Variants in RPH3A observed in about 807,000 individuals in gnomAD.
RPH3A encodes the protein rabphilin-3A.
A neutral mutation model predicts 102.2 loss-of-function variants in RPH3A; 48 were observed. That is an observed-to-expected ratio of 0.47 (90% confidence interval 0.37 to 0.60). The LOEUF (loss-of-function observed/expected upper bound fraction) is 0.60, where lower values mean the gene tolerates loss of function less well. RPH3A is among the 20% of genes least tolerant of loss of function. RPH3A has a pLI of 0.00. For missense variants in RPH3A, 781 were observed against 910.1 expected, an observed-to-expected ratio of 0.86 and a Z score of 1.83; for synonymous variants, 310 against 324.3, an observed-to-expected ratio of 0.96 and a Z score of 0.47.
At chr12:112,844,844 C>T (rs997680920) in intron 4 of RPH3A, among the ~76,000 whole-genome samples, 6 of 152,240 alleles carry the variant, frequency 3.9e-5, no homozygotes, top group African/African-American at 1.4e-4. Context: ...GCAGCCCTGA[C>T]ACAAGGTCAC....
chr12:112,669,931 T>G (rs1379077941), intron 1 of RPH3A, among the ~76,000 whole-genome samples: 1 of 152,246 alleles, frequency 6.6e-6, no homozygotes, highest in Non-Finnish European at 1.5e-5. Flanking sequence ...ATTTATTTAA[T>G]CAGTCTCCAA....
In RPH3A at chr12:112,898,053, AGTCTCTCTGTCTCTCTTTGTCT is replaced by A. The variant is rs1474596985; in HGVS notation, c.*1287_*1308del. On this transcript the variant is annotated 3_prime_UTR_variant, in exon 22 of 22. Transcript: ENST00000389385. ...CCATCTCTCACTCAGAACCCCCTCCAGTCTCTCTGTCTCTCTTTGTCTGTCTCTCTGTCTCCTGCACTCTCGT... is the reference window on the plus strand; with the variant it reads ...CCATCTCTCACTCAGAACCCCCTCCAGTCTCTCTGTCTCCTGCACTCTCGT... 1 of 152,184 alleles carries A rather than the reference AGTCTCTCTGTCTCTCTTTGTCT, an allele frequency of 6.6e-6. No individual in the cohort carries two copies. Among genetic ancestry groups the A allele is most frequent in the Non-Finnish European group, 1.5e-5 (1 of 68,104 alleles). The allele number at this position is 152,184 out of a possible 1,614,324, so 9.4% of individuals were successfully genotyped here.
Position 112,876,788 on chromosome 12 carries a change from C to T in RPH3A, c.1093C>T (p.Gln365Ter). ...TTCCCAAGCATCTGCAGCTGCCCCCCAGCCTGCTGCAGCCCGCCAGCCACC... is the reference window on the plus strand; with the variant it reads ...TTCCCAAGCATCTGCAGCTGCCCCCTAGCCTGCTGCAGCCCGCCAGCCACC... The part of the protein sequence containing the change: ...PYSQASAAAP[Q>*]PAAARQPPPP... Residue 365 changes from glutamine (Q) to a stop codon, truncating the protein, a stop_gained, in exon 13 of 22, where the codon CAG becomes TAG. Coordinates refer to ENST00000389385, the MANE Select transcript of RPH3A (RefSeq NM_001143854.2). LOFTEE classifies it high-confidence loss of function. 6.2e-7 allele frequency: 1 copy of T among 1,610,528 alleles called. No individual in the cohort carries two copies.
At chr12:112,790,105 G>A (rs1000370792), upstream of RPH3A, among the ~76,000 whole-genome samples, 9 of 151,720 alleles carry the variant, frequency 5.9e-5, no homozygotes, top group Non-Finnish European at 1.2e-4. Context: ...TGCCCAGGTT[G>A]GAGTGTAATG....
chr12:112,841,657 T>G (rs561360057), intron 4 of RPH3A, among the ~76,000 whole-genome samples: 58 of 152,256 alleles, frequency 3.8e-4, no homozygotes, highest in African/African-American at 1.3e-3. Context: ...TGCCAGGGTT[T>G]GAATGCAGAT....
At chr12:112,826,950 C>CTCAGGTATATACCTGAGT (rs1565903914) in intron 2 of RPH3A, among the ~76,000 whole-genome samples, 26 of 152,008 alleles carry the variant, frequency 1.7e-4, no homozygotes, top group Non-Finnish European at 2.6e-4. Flanking sequence ...TATACCTGAG[C>CTCAGGTATATACCTGAGT]ATATTTCTCA....
intron 1 of RPH3A, among the ~76,000 whole-genome samples, chr12:112,693,478 C>T (rs1173979737): frequency 6.6e-6 from 1 of 152,244 alleles, no homozygotes; most frequent in Non-Finnish European, 1.5e-5. Flanking sequence ...TGGGATAAGT[C>T]TGCCTTTCTT....
intron 3 of RPH3A, among the ~76,000 whole-genome samples, chr12:112,829,339 T>A (rs747034236): frequency 1.1e-4 from 17 of 151,700 alleles, no homozygotes; most frequent in Non-Finnish European, 1.8e-4. Context: ...ACTGGTGCAA[T>A]CATAACTCAT....
At chr12:112,584,400 G>T (rs2039423269) in intron 1 of RPH3A, among the ~76,000 whole-genome samples, 1 of 152,162 alleles carries the variant, frequency 6.6e-6, no homozygotes, top group African/African-American at 2.4e-5. Flanking sequence ...CCCGGAAGTT[G>T]CTGAGTTTTC....
At chr12:112,789,542 C>A (rs1189701896), upstream of RPH3A, among the ~76,000 whole-genome samples, 3 of 152,074 alleles carry the variant, frequency 2.0e-5, no homozygotes, top group Admixed American at 1.3e-4. Flanking sequence ...TTTCTTGAGT[C>A]TAAGTTTTCT....
chr12:112,846,847 G>A (rs1035560676), intron 4 of RPH3A, among the ~76,000 whole-genome samples: 3 of 152,120 alleles, frequency 2.0e-5, no homozygotes, highest in African/African-American at 2.4e-5. Context: ...AACCATTGCC[G>A]GGGCCACAGA....
chr12:112,790,315 C>T (rs1358259127), upstream of RPH3A, among the ~76,000 whole-genome samples: 1 of 152,150 alleles, frequency 6.6e-6, no homozygotes, highest in Non-Finnish European at 1.5e-5. Flanking sequence ...GCCTCGGCCT[C>T]CCAAAGTGCT....
At chr12:112,763,570 G>C (rs2040868701) in intron 1 of RPH3A, among the ~76,000 whole-genome samples, 1 of 152,214 alleles carries the variant, frequency 6.6e-6, no homozygotes, top group South Asian at 2.1e-4. Flanking sequence ...TCAATAGAAA[G>C]AAATGTCTGG....
rs150213641 is a variant in RPH3A, at chr12:112,675,540, C to T, written c.-140+100221C>T. Among the ~76,000 whole-genome samples the T allele has an allele frequency of 1.4e-3, 220 of 152,294 alleles. 1 individual carries two copies. The highest frequency in any genetic ancestry group is 5.0e-3 in the African/African-American group (206 of 41,564). On this transcript the variant is annotated intron_variant, in intron 1 of 21. Transcript: ENST00000543106. ...ATGACCTGCTCAAGGTCCTCCTTCT[C>T]GTAGAAGGCAAAGCCTGGGTTTAAC...
At chr12:112,611,251 C>T (rs1294560559) in intron 1 of RPH3A, among the ~76,000 whole-genome samples, 1 of 152,188 alleles carries the variant, frequency 6.6e-6, no homozygotes, top group Non-Finnish European at 1.5e-5. Flanking sequence ...TTCATTTTCA[C>T]AGGAGAGAGC....
chr12:112,808,660 T>C (rs1042062592), intron 2 of RPH3A, among the ~76,000 whole-genome samples: 9 of 152,146 alleles, frequency 5.9e-5, no homozygotes, highest in African/African-American at 2.2e-4. Flanking sequence ...GGGTTTGATT[T>C]TCTAGCATTG....
At chr12:112,700,869 A>G (rs1360819583) in intron 1 of RPH3A, among the ~76,000 whole-genome samples, 4 of 152,064 alleles carry the variant, frequency 2.6e-5, no homozygotes, top group Admixed American at 6.5e-5. Flanking sequence ...ATCCATTCTC[A>G]TGTCCCAACC....
intron 5 of RPH3A, among the ~76,000 whole-genome samples, 170 bp from the exon 6 acceptor site, chr12:112,865,244 G>C (rs568414587): frequency 2.0e-5 from 3 of 152,166 alleles, no homozygotes; most frequent in Admixed American, 2.0e-4. Context: ...CTGAAAATGC[G>C]TCAGAATTTT....
intron 1 of RPH3A, chr12:112,617,964 C>T (rs920702454): frequency 4.6e-5 from 7 of 152,224 alleles, no homozygotes; most frequent in Non-Finnish European, 1.0e-4. Flanking sequence ...CAAATCTTCT[C>T]CTTCCTTGAT....
Sources: allele counts gnomAD v4.1 joint callset (sites outside exome capture counted in the v4.1 genomes callset), GRCh38; gene constraint gnomAD v4.1.1; transcripts MANE v1.5; gene names NCBI Gene and HGNC (gene_info 2026-07-23, HGNC 2026-07-21).